Variants in CNTLN observed in about 807,000 individuals in gnomAD.
The protein encoded by CNTLN is centlein, centrosomal protein.
Under a neutral mutation model 180.0 loss-of-function variants are expected in CNTLN, and 212 were observed. The ratio of observed to expected loss-of-function variants is 1.18; its 90% confidence interval spans 1.05 to 1.32. CNTLN has a LOEUF of 1.32. CNTLN is among the 40% of genes most tolerant of loss of function. The pLI, the probability that CNTLN is intolerant of heterozygous loss-of-function variation, is 0.00. For synonymous variants in CNTLN, 722 were observed against 563.1 expected, an observed-to-expected ratio of 1.28 and a Z score of -3.99; for missense variants, 2,095 against 1,610.9, an observed-to-expected ratio of 1.30 and a Z score of -5.14.
At position 17,308,634 on chromosome 9, in the gene CNTLN, T is replaced by G. The variant is rs1400510614; in HGVS notation, c.1147-424T>G. Among the ~76,000 whole-genome samples, 17 of 152,066 alleles carry G rather than the reference T, an allele frequency of 1.1e-4. 1 individual carries two copies. The East Asian group carries it at 3.3e-3, about 29-fold the overall frequency. On this transcript the variant is annotated intron_variant, in intron 7 of 25. Coordinates refer to ENST00000380647, the MANE Select transcript of CNTLN (RefSeq NM_017738.4). ...TGTACATAATTTTTTTTCACATTTC[T>G]TCTATCTTTAGAATGACTTTTTGTT...
the CNTLN span, among the ~76,000 whole-genome samples, chr9:17,521,428 TTCTAGAAA>T: frequency 6.6e-6 from 1 of 152,240 alleles, no homozygotes; most frequent in South Asian, 2.1e-4. Flanking sequence ...ATTTAGCTTG[TTCTAGAAA>T]AGGACGACTA....
At chr9:17,231,182 C>T (rs966117705) in intron 3 of CNTLN, among the ~76,000 whole-genome samples, 1 of 152,048 alleles carries the variant, frequency 6.6e-6, no homozygotes, top group African/African-American at 2.4e-5. Flanking sequence ...AAACCAGAAG[C>T]CCCCTCCATT....
intron 2 of CNTLN, among the ~76,000 whole-genome samples, chr9:17,216,599 A>G (rs937062652): frequency 2.6e-5 from 4 of 152,078 alleles, no homozygotes; most frequent in African/African-American, 9.7e-5. Flanking sequence ...AGATTGTCTT[A>G]TTTTTATTTC....
chr9:17,226,908 C>G (rs1025195816), intron 3 of CNTLN, among the ~76,000 whole-genome samples: 5 of 151,108 alleles, frequency 3.3e-5, no homozygotes, highest in African/African-American at 1.2e-4. Flanking sequence ...GTGCCACAGA[C>G]TTTTTTTTAA....
At chr9:17,279,861 T>A (rs1828556735) in intron 6 of CNTLN, among the ~76,000 whole-genome samples, 1 of 62,800 alleles carries the variant, frequency 1.6e-5, no homozygotes, top group Non-Finnish European at 3.0e-5. Context: ...ATTAATCCAA[T>A]TCTCATGAAT....
chr9:17,518,767 C>T, the CNTLN span, among the ~76,000 whole-genome samples: 1 of 152,132 alleles, frequency 6.6e-6, no homozygotes, highest in African/African-American at 2.4e-5. Context: ...AATTCCCTAC[C>T]TTCTCCTTCC....
chr9:17,482,885 A>G (rs1564142999), intron 23 of CNTLN, among the ~76,000 whole-genome samples: 1 of 152,162 alleles, frequency 6.6e-6, no homozygotes, highest in Non-Finnish European at 1.5e-5. Context: ...AATGATTACA[A>G]ATGGATAAAA....
intron 16 of CNTLN, 93 bp downstream of exon 16, chr9:17,409,566 A>G: frequency 2.2e-6 from 2 of 897,310 alleles, no homozygotes; most frequent in Non-Finnish European, 3.3e-6. Flanking sequence ...TACTGATTTA[A>G]TTTGAATTCT....
chr9:17,152,640 A>T (rs779782730), intron 2 of CNTLN, among the ~76,000 whole-genome samples: 3 of 152,140 alleles, frequency 2.0e-5, no homozygotes, highest in Non-Finnish European at 4.4e-5. Context: ...TATTCTGTTG[A>T]TTTGGGGTAG....
chr9:17,299,046 A>G (rs1227939736), intron 7 of CNTLN: 1 of 496,644 alleles, frequency 2.0e-6, no homozygotes, highest in South Asian at 8.7e-5. Context: ...GATCGAGACC[A>G]TCCTGGCCAA....
rs557617506 is a variant in CNTLN, at chr9:17,217,450, T to TGAGTGAACA, written c.450-8752_450-8751insAGTGAACAG. On this transcript the variant is annotated intron_variant, in intron 2 of 25. Transcript: ENST00000380647. ...AGTCAAGCCTGAGTGAACAGTGGCC[T>TGAGTGAACA]GTGGGAATTCAGCTGGTGTTGTACC... 2.6e-4 allele frequency among the ~76,000 whole-genome samples: 40 copies of TGAGTGAACA among 152,356 alleles called. No homozygotes were observed. The South Asian group carries it at 8.1e-3, about 31-fold the overall frequency.
At chr9:17,141,479 G>A (rs1305697255) in intron 1 of CNTLN, among the ~76,000 whole-genome samples, 3 of 152,146 alleles carry the variant, frequency 2.0e-5, no homozygotes, top group African/African-American at 4.8e-5. Flanking sequence ...AGCAAGTAGA[G>A]TAAGAAAGTC....
At chr9:17,275,223 ACTG>A (rs1828235524) in intron 6 of CNTLN, among the ~76,000 whole-genome samples, 1 of 152,034 alleles carries the variant, frequency 6.6e-6, no homozygotes, top group African/African-American at 2.4e-5. Flanking sequence ...GCTTTTCAAG[ACTG>A]CTATTTTCAT....
chr9:17,351,036 A>C (rs1341404909), intron 12 of CNTLN, among the ~76,000 whole-genome samples: 1 of 152,206 alleles, frequency 6.6e-6, no homozygotes, highest in Non-Finnish European at 1.5e-5. Flanking sequence ...AATAACCAGG[A>C]GGTAACTAAA....
the CNTLN span, among the ~76,000 whole-genome samples, chr9:17,513,538 A>G: frequency 1.2e-4 from 18 of 152,204 alleles, no homozygotes; most frequent in African/African-American, 4.1e-4. Context: ...TGTACAAAAA[A>G]TACAAAAAAC....
intron 10 of CNTLN, among the ~76,000 whole-genome samples, chr9:17,336,595 A>G (rs1373537800): frequency 1.3e-5 from 2 of 152,174 alleles, no homozygotes; most frequent in Non-Finnish European, 2.9e-5. Context: ...GTTGAATTTT[A>G]TTTTTAATAG....
chr9:17,504,371 C>T (rs568915525), downstream of CNTLN, among the ~76,000 whole-genome samples: 8 of 152,150 alleles, frequency 5.3e-5, no homozygotes, highest in South Asian at 4.1e-4. Context: ...TACCTCATTA[C>T]GACAGAATTT....
intron 3 of CNTLN, among the ~76,000 whole-genome samples, chr9:17,232,410 A>G (rs1172971571): frequency 6.6e-6 from 1 of 151,956 alleles, no homozygotes; most frequent in Middle Eastern, 3.3e-3. Flanking sequence ...AGTTCACTCA[A>G]ATGCCAAAAT....
chr9:17,156,964 A>T (rs1350950080), intron 2 of CNTLN, among the ~76,000 whole-genome samples: 1 of 152,232 alleles, frequency 6.6e-6, no homozygotes, highest in African/African-American at 2.4e-5. Context: ...ATTTGTAATT[A>T]TGTAGAATTG....
Sources: gnomAD v4.1 joint callset for allele counts (sites outside exome capture counted in the v4.1 genomes callset) on GRCh38, gnomAD v4.1.1 for gene constraint, MANE v1.5 for transcripts, NCBI Gene and HGNC (gene_info 2026-07-23, HGNC 2026-07-21) for gene names.